The following CEP152 variants were observed in gnomAD, a reference collection of about 807,000 sequenced individuals.
The protein encoded by CEP152 is centrosomal protein 152.
In CEP152, 132 loss-of-function variants were observed where a neutral mutation model predicts 188.9. The ratio of observed to expected loss-of-function variants is 0.70; its 90% CI spans 0.61 to 0.81. CEP152 has a LOEUF of 0.81. CEP152 is among the 30% of genes least tolerant of loss of function. The pLI is 0.00. For missense variants in CEP152, 1,914 were observed against 1,969.8 expected, an observed-to-expected ratio of 0.97 and a Z score of 0.54; for synonymous variants, 649 against 666.6, an observed-to-expected ratio of 0.97 and a Z score of 0.41.
intron 3 of CEP152, 90 bp from the exon 4 acceptor site, chr15:48,797,820 T>G: frequency 6.5e-7 from 1 of 1,542,726 alleles, no homozygotes; most frequent in South Asian, 1.1e-5. Flanking sequence ...ACCTTTTTCC[T>G]TCCAATCTTC....
At chr15:48,759,982 G>A (rs1461867468) in intron 19 of CEP152, among the ~76,000 whole-genome samples, 153 bp downstream of exon 19, 1 of 152,190 alleles carries the variant, frequency 6.6e-6, no homozygotes, top group East Asian at 1.9e-4. Context: ...ATGATGACAA[G>A]AACACTTGCT....
chr15:48,753,548 A>C (rs1414713853), intron 20 of CEP152, among the ~76,000 whole-genome samples: 1 of 152,238 alleles, frequency 6.6e-6, no homozygotes, highest in East Asian at 1.9e-4. Flanking sequence ...GCAATTATAG[A>C]GAAGAGGCAA....
chr15:48,807,514 C>T (rs1898059701), intron 1 of CEP152, among the ~76,000 whole-genome samples: 1 of 151,054 alleles, frequency 6.6e-6, no homozygotes, highest in East Asian at 1.9e-4. Flanking sequence ...GAGATTGCGC[C>T]ACTGCAGTCC....
intron 8 of CEP152, among the ~76,000 whole-genome samples, chr15:48,789,529 G>C (rs1022490598): frequency 3.3e-5 from 5 of 152,188 alleles, no homozygotes; most frequent in African/African-American, 1.2e-4. Context: ...CAAAACCTGT[G>C]AATCAGTTAT....
chr15:48,738,926 C>T lies in CEP152; in HGVS notation c.4456G>A (p.Gly1486Ser), dbSNP rs376905337. The change falls in exon 27 of 27, where the codon GGT (glycine) becomes AGT (serine). Residue 1486 changes from glycine (G) to serine (S), a missense_variant. Transcript: ENST00000380950. ...HKKKDLLSDN[G>S]SESLPHSAAY... ...GCTGAATGCGGAAGTGATTCAGAACCATTATCACTGAGTAGGTCTTTCTTC... is the reference window on the plus strand; with the variant it reads ...GCTGAATGCGGAAGTGATTCAGAACTATTATCACTGAGTAGGTCTTTCTTC... 2.5e-6 allele frequency: 4 copies of T among 1,614,130 alleles called. No individual in the cohort carries two copies. Among genetic ancestry groups the T allele is most frequent in the Non-Finnish European group, 3.4e-6 (4 of 1,180,000 alleles).
At chr15:48,761,859 CAGTTAAAAGCT>C (rs1367602447) in intron 18 of CEP152, among the ~76,000 whole-genome samples, 3 of 152,144 alleles carry the variant, frequency 2.0e-5, no homozygotes, top group African/African-American at 7.2e-5. Context: ...GTAACTGTGT[CAGTTAAAAGCT>C]AGTTTTGTGA....
intron 22 of CEP152, among the ~76,000 whole-genome samples, chr15:48,748,060 T>G (rs546674960): frequency 1.2e-4 from 19 of 152,190 alleles, no homozygotes; most frequent in Non-Finnish European, 2.6e-4. Flanking sequence ...AACGTTTAAT[T>G]ATTTGTTAAT....
At chr15:48,758,718 C>CAGAAAAA in intron 19 of CEP152, among the ~76,000 whole-genome samples, 1 of 70,448 alleles carries the variant, frequency 1.4e-5, no homozygotes, top group East Asian at 4.5e-4. Context: ...GACTCCATCT[C>CAGAAAAA]AAAAAAAAAA....
rs1156329578 is a variant in CEP152 at position 48,789,325 on chromosome 15, T to C, written c.973-324A>G. 3 of 392,248 alleles carry C rather than the reference T, an allele frequency of 7.6e-6. No homozygotes were observed. In the Admixed American group the frequency reaches 1.1e-4, roughly 15 times the overall value. The allele number at this position is 392,248 out of a possible 1,614,324, so 24.3% of individuals were successfully genotyped here. On this transcript the variant is annotated intron_variant, in intron 8 of 26. Transcript: ENST00000380950. Reference sequence around the variant, plus strand: ...GCTGATGCCGTGATGGCCCCAGTGCTGTTTGCATTGCTCTATGACCAAAGT... The same window carrying C: ...GCTGATGCCGTGATGGCCCCAGTGCCGTTTGCATTGCTCTATGACCAAAGT...
In CEP152 at chr15:48,762,389, AC is replaced by A. The variant is rs1894747616; in HGVS notation, c.2562+1del. 1 of 1,613,524 alleles carries A rather than the reference AC, an allele frequency of 6.2e-7. No homozygotes were observed. Among genetic ancestry groups the A allele is most frequent in the South Asian group, 1.1e-5 (1 of 91,064 alleles). On this transcript the variant is annotated splice_donor_variant, in intron 18 of 26. Transcript: ENST00000380950. LOFTEE classifies it high-confidence loss of function. ...ATTTACTAGAATAAATCTGCCTTTT[AC>A]CTGTTTGGTAATATTTTCACAATGT...
chr15:48,804,671 T>G (rs1047885122), intron 2 of CEP152, among the ~76,000 whole-genome samples: 1 of 152,260 alleles, frequency 6.6e-6, no homozygotes, highest in African/African-American at 2.4e-5. Flanking sequence ...ATATAAATAA[T>G]ATGGTCTCTC....
At chr15:48,763,024 A>G (rs1894805889) in intron 17 of CEP152, among the ~76,000 whole-genome samples, 1 of 152,126 alleles carries the variant, frequency 6.6e-6, no homozygotes, top group Non-Finnish European at 1.5e-5. Flanking sequence ...GTGTTTTGCC[A>G]TCAACACCAT....
chr15:48,738,264 A>C lies in CEP152; in HGVS notation c.5118T>G (p.Phe1706Leu). Residue 1706 changes from phenylalanine (F) to leucine (L), a missense_variant, in exon 27 of 27, where the codon TTT becomes TTG. By Grantham distance (22) the Phe-to-Leu change is conservative. Transcript: ENST00000380950. ...TGTACCATAATTAGTCTAGATTAAC[A>C]AATGGGCTATCAAAGCCACTATCTT... ...SQQDSGFDSP[F>L]VNLD 1 of 1,613,388 alleles carries C rather than the reference A, an allele frequency of 6.2e-7. No homozygotes were observed. The highest frequency in any genetic ancestry group is 8.5e-7 in the Non-Finnish European group (1 of 1,179,514).
At chr15:48,744,586 T>C (rs1893269381) in intron 23 of CEP152, among the ~76,000 whole-genome samples, 1 of 152,152 alleles carries the variant, frequency 6.6e-6, no homozygotes, top group Admixed American at 6.5e-5. Context: ...TTGAAAAACA[T>C]ATGTAGGAGA....
At chr15:48,788,351 G>T (rs4396480) in intron 9 of CEP152, among the ~76,000 whole-genome samples, 137,426 of 137,520 alleles carry the variant, frequency 1, 68,666 homozygotes, top group Middle Eastern at 1. Context: ...TTTTTTTTGG[G>T]GAGACGGAGT....
chr15:48,738,648 A>C lies in CEP152; in HGVS notation c.4734T>G (p.Ser1578Arg). Residue 1578 changes from serine (S) to arginine (R), a missense_variant, in exon 27 of 27, where the codon AGT (serine) becomes AGG (arginine). Coordinates refer to ENST00000380950, the MANE Select transcript of CEP152 (RefSeq NM_001194998.2). The part of the protein sequence containing the change: ...LSDCLGWPSS[S>R]ATLSFDSREA... Reference sequence around the variant, plus strand: ...CACGACTGTCAAAGGATAAGGTTGCACTGCTGGAAGGCCAGCCCAAGCAGT... The same window carrying C: ...CACGACTGTCAAAGGATAAGGTTGCCCTGCTGGAAGGCCAGCCCAAGCAGT... The C allele has an allele frequency of 6.2e-7, 1 of 1,614,218 alleles. No homozygotes were observed. The highest frequency in any genetic ancestry group is 8.5e-7 in the Non-Finnish European group (1 of 1,180,034).
rs1013917140 is a variant in CEP152, at chr15:48,793,189, G to T, written c.832+132C>A. On this transcript the variant is annotated intron_variant, in intron 7 of 26. Transcript: ENST00000380950. ...ACTCAGAAATCCTGGGTTTTGTTTT[G>T]CTATGCCTCACTCACTATGAGCCCT... The T allele has an allele frequency of 7.0e-6, 7 of 1,004,456 alleles. No individual in the cohort carries two copies. The East Asian group carries it at 7.7e-5, about 11-fold the overall frequency. The allele number at this position is 1,004,456 out of a possible 1,614,324, so 62.2% of individuals were successfully genotyped here. A position where few individuals can be genotyped will look rare whatever the true frequency, so the allele number is the denominator to read the frequency against.
chr15:48,742,035 G>A lies in CEP152; in HGVS notation c.3901C>T (p.Leu1301=). The change falls in exon 25 of 27, where the codon CTG becomes TTG. Residue 1301 remains leucine (L), a synonymous_variant. Coordinates refer to ENST00000380950, the MANE Select transcript of CEP152 (RefSeq NM_001194998.2). The stretch of plus-strand genomic sequence containing the variant: ...CGGGCGGTTTCTTGACGTTCTCGCA[G>A]TACCTCTGCTTTTACCATTTCTGCA... ...RAAEMVKAEV[L]RERQETARKM... 1 of 1,614,142 alleles carries A rather than the reference G, an allele frequency of 6.2e-7. No individual in the cohort carries two copies. The highest frequency in any genetic ancestry group is 2.2e-5 in the East Asian group (1 of 44,886).
intron 2 of CEP152, among the ~76,000 whole-genome samples, chr15:48,800,811 C>T (rs1396432157): frequency 6.6e-6 from 1 of 152,042 alleles, no homozygotes; most frequent in Non-Finnish European, 1.5e-5. Context: ...CAGAATCATT[C>T]TATAAACTCC....
Sources: gnomAD v4.1 joint callset for allele counts (sites outside exome capture counted in the v4.1 genomes callset) on GRCh38, gnomAD v4.1.1 for gene constraint, MANE v1.5 for transcripts, NCBI Gene and HGNC (gene_info 2026-07-23, HGNC 2026-07-21) for gene names.